TSPAN9: variants seen among roughly 807,000 people sequenced by gnomAD.
TSPAN9 encodes the protein tetraspanin 9, also known as tetraspanin-9.
TSPAN9 carries 16 observed loss-of-function variants against 31.0 expected under a neutral mutation model. The observed-to-expected ratio is 0.52, with a 90% CI of 0.35 to 0.78. The LOEUF is 0.78. Ranked by LOEUF, TSPAN9 falls within the 30% of genes least tolerant of loss-of-function variation. TSPAN9 has a pLI of 0.01. For synonymous variants in TSPAN9, 145 were observed against 121.6 expected, an observed-to-expected ratio of 1.19 and a Z score of -1.27; for missense variants, 272 against 312.5, an observed-to-expected ratio of 0.87 and a Z score of 0.98.
At chr12:3,205,108 T>A (rs2098374247) in intron 3 of TSPAN9, among the ~76,000 whole-genome samples, 2 of 151,408 alleles carry the variant, frequency 1.3e-5, no homozygotes, top group African/African-American at 4.8e-5. Context: ...AGTTCCTGTC[T>A]GATGTGGAGG....
chr12:3,236,893 C>T (rs2098394041), intron 3 of TSPAN9, among the ~76,000 whole-genome samples: 1 of 152,184 alleles, frequency 6.6e-6, no homozygotes, highest in South Asian at 2.1e-4. Context: ...GTTCCTAGTA[C>T]TGTAGGGCAC....
chr12:3,199,761 C>T lies in TSPAN9; in HGVS notation c.-17-1416C>T, dbSNP rs147911625. ...CGCGCCGAGGGGGCGGGGAGGGCGG[C>T]GCGCACCCCGCAGAGGCCCCCGGCG... On this transcript the variant is annotated intron_variant, in intron 2 of 8. Transcript: ENST00000011898. 2.1e-4 allele frequency among the ~76,000 whole-genome samples: 32 copies of T among 152,184 alleles called. No homozygotes were observed. The East Asian group carries it at 5.8e-3, about 28-fold the overall frequency.
At chr12:3,200,965 A>G in intron 2 of TSPAN9, 1 of 535,642 alleles carries the variant, frequency 1.9e-6, no homozygotes, top group Non-Finnish European at 3.3e-6. Context: ...ATCGGAGTCC[A>G]TCTTTGGACA....
intron 2 of TSPAN9, among the ~76,000 whole-genome samples, chr12:3,144,012 C>T (rs944254898): frequency 7.2e-5 from 11 of 152,174 alleles, no homozygotes; most frequent in African/African-American, 2.7e-4. Context: ...CAGGCATGGA[C>T]ACATATCTGT....
At chr12:3,281,051 G>C in intron 6 of TSPAN9, 147 bp from the exon 7 acceptor site, 1 of 1,336,004 alleles carries the variant, frequency 7.5e-7, no homozygotes, top group Non-Finnish European at 1.0e-6. Context: ...CCAAAGAAGG[G>C]ACAAGAAGCA....
chr12:3,212,183 G>T (rs1270044286), intron 3 of TSPAN9, among the ~76,000 whole-genome samples: 2 of 152,004 alleles, frequency 1.3e-5, no homozygotes, highest in African/African-American at 2.4e-5. Flanking sequence ...TGTTGCCCAG[G>T]CTGGTCTCGA....
chr12:3,210,063 G>A (rs9669209), intron 3 of TSPAN9, among the ~76,000 whole-genome samples: 1,656 of 150,322 alleles, frequency 0.011, 10 homozygotes, highest in Non-Finnish European at 0.017. Context: ...ATCAACCCAG[G>A]AGGCCGAGCT....
chr12:3,225,969 T>G (rs1377358345), intron 3 of TSPAN9, among the ~76,000 whole-genome samples: 2 of 152,250 alleles, frequency 1.3e-5, no homozygotes, highest in Admixed American at 1.3e-4. Context: ...ATTTTTTCTT[T>G]CCTTCTGAAG....
chr12:3,226,465 T>C (rs925638976), intron 3 of TSPAN9, among the ~76,000 whole-genome samples: 2 of 151,532 alleles, frequency 1.3e-5, no homozygotes, highest in Non-Finnish European at 2.9e-5. Context: ...TAATCTTTTT[T>C]CCCTCCTTCT....
At chr12:3,164,561 C>T (rs757864701) in intron 2 of TSPAN9, among the ~76,000 whole-genome samples, 3 of 152,188 alleles carry the variant, frequency 2.0e-5, no homozygotes, top group Non-Finnish European at 4.4e-5. Flanking sequence ...CCCAGGCCTG[C>T]GAGGGGAGAT....
At chr12:3,124,995 G>A (rs887107138) in intron 2 of TSPAN9, 1 of 152,088 alleles carries the variant, frequency 6.6e-6, no homozygotes, top group Non-Finnish European at 1.5e-5. Flanking sequence ...CCTGGGAGGT[G>A]GAGGCTGCAG....
intron 2 of TSPAN9, among the ~76,000 whole-genome samples, chr12:3,199,707 G>A (rs542169107): frequency 8.5e-5 from 13 of 152,270 alleles, no homozygotes; most frequent in African/African-American, 3.1e-4. Context: ...GGAGCCTGGC[G>A]GAGCGCCTTG....
intron 2 of TSPAN9, among the ~76,000 whole-genome samples, chr12:3,094,847 CTTTTTTTTT>C (rs61154605): frequency 8.2e-4 from 84 of 101,946 alleles, no homozygotes; most frequent in Admixed American, 1.7e-3. Flanking sequence ...AATCAATAAT[CTTTTTTTTT>C]TTTTTTTTTT....
chr12:3,224,831 G>A (rs1173131796), intron 3 of TSPAN9, among the ~76,000 whole-genome samples: 1 of 152,218 alleles, frequency 6.6e-6, no homozygotes, highest in Non-Finnish European at 1.5e-5. Context: ...CTTCCTGTCT[G>A]GTAAAAGCAG....
chr12:3,110,192 A>G (rs1206203521), intron 2 of TSPAN9, among the ~76,000 whole-genome samples: 2 of 152,138 alleles, frequency 1.3e-5, no homozygotes, highest in Non-Finnish European at 2.9e-5. Context: ...AACCAGGCCC[A>G]GGGAAGATAG....
At chr12:3,112,343 A>G (rs2098319354) in intron 2 of TSPAN9, among the ~76,000 whole-genome samples, 2 of 150,718 alleles carry the variant, frequency 1.3e-5, no homozygotes, top group South Asian at 4.2e-4. Context: ...TGCCCGGCTA[A>G]TTTTGTAGTT....
chr12:3,211,464 C>T (rs934343075), intron 3 of TSPAN9, among the ~76,000 whole-genome samples: 1 of 152,142 alleles, frequency 6.6e-6, no homozygotes, highest in Non-Finnish European at 1.5e-5. Flanking sequence ...TGTTCTTTTG[C>T]ATACATTTCA....
chr12:3,218,420 T>C (rs10848829), intron 3 of TSPAN9, among the ~76,000 whole-genome samples: 88,333 of 152,118 alleles, frequency 0.58, 26,444 homozygotes, highest in East Asian at 0.76. Context: ...TCAAAAGGAC[T>C]GCCAGGAGGA....
intron 2 of TSPAN9, among the ~76,000 whole-genome samples, chr12:3,189,818 G>C (rs1411280058): frequency 6.6e-6 from 1 of 152,110 alleles, no homozygotes; most frequent in Non-Finnish European, 1.5e-5. Flanking sequence ...GGAGTGAGAC[G>C]ACAGCCAGTG....
Sources: allele counts gnomAD v4.1 joint callset (sites outside exome capture counted in the v4.1 genomes callset), GRCh38; gene constraint gnomAD v4.1.1; transcripts MANE v1.5; gene names NCBI Gene and HGNC (gene_info 2026-07-23, HGNC 2026-07-21).